The following CCDC12 variants were observed in gnomAD, a reference collection of about 807,000 sequenced individuals.
The protein encoded by CCDC12 is coiled-coil domain containing 12.
Under a neutral mutation model 25.7 loss-of-function variants are expected in CCDC12, and 28 were observed. The ratio of observed to expected loss-of-function variants is 1.09; its 90% CI spans 0.81 to 1.50. The LOEUF (loss-of-function observed/expected upper bound fraction) is 1.50, where lower values mean the gene tolerates loss of function less well. Ranked by LOEUF, CCDC12 falls within the 40% of genes most tolerant of loss-of-function variation. The pLI, the probability that CCDC12 is intolerant of heterozygous loss-of-function variation, is 0.00. For missense variants in CCDC12, 198 were observed against 210.0 expected (o/e 0.94, Z 0.35); for synonymous variants, 75 against 87.7 (o/e 0.86, Z 0.81).
At chr3:46,942,405 G>A (rs1325350309) in intron 1 of CCDC12, among the ~76,000 whole-genome samples, 1 of 152,266 alleles carries the variant, frequency 6.6e-6, no homozygotes, top group Non-Finnish European at 1.5e-5. Context: ...TGTTCTAAGA[G>A]AGATCTGTGA....
chr3:46,930,554 G>A (rs938779403), intron 2 of CCDC12, among the ~76,000 whole-genome samples: 4 of 152,242 alleles, frequency 2.6e-5, no homozygotes, highest in Admixed American at 6.5e-5. Context: ...ACCCTATACC[G>A]GCAGCCAGTG....
At chr3:46,948,456 A>G (rs2033991497) in intron 1 of CCDC12, among the ~76,000 whole-genome samples, 1 of 152,228 alleles carries the variant, frequency 6.6e-6, no homozygotes, top group African/African-American at 2.4e-5. Context: ...GTGGGGAGAC[A>G]GGGAGGAGCA....
intron 2 of CCDC12, among the ~76,000 whole-genome samples, chr3:46,932,474 C>T (rs1169603336): frequency 6.6e-6 from 1 of 152,224 alleles, no homozygotes; most frequent in East Asian, 1.9e-4. Flanking sequence ...GACTGTCCTC[C>T]AGCTGTCACC....
chr3:46,936,551 T>C (rs968106022), intron 2 of CCDC12, among the ~76,000 whole-genome samples: 1 of 152,176 alleles, frequency 6.6e-6, no homozygotes, highest in Non-Finnish European at 1.5e-5. Flanking sequence ...ACTGAGGCAA[T>C]GTGACTTGCC....
intron 1 of CCDC12, among the ~76,000 whole-genome samples, chr3:46,963,981 T>G (rs1311507339): frequency 4.6e-5 from 7 of 150,662 alleles, no homozygotes; most frequent in African/African-American, 1.5e-4. Flanking sequence ...GAGCGCCTCT[T>G]CCCGGCCGCC....
At chr3:46,973,665 G>A (rs1447114074) in intron 1 of CCDC12, among the ~76,000 whole-genome samples, 2 of 142,602 alleles carry the variant, frequency 1.4e-5, no homozygotes, top group Non-Finnish European at 3.0e-5. Context: ...CCAGGCTGGA[G>A]TGCAGTGGCG....
At chr3:46,945,107 G>A (rs144852795) in intron 1 of CCDC12, among the ~76,000 whole-genome samples, 1 of 152,236 alleles carries the variant, frequency 6.6e-6, no homozygotes, top group South Asian at 2.1e-4. Flanking sequence ...CGTAGGCCCA[G>A]GGCACAGGCC....
chr3:46,941,540 G>C (rs2033708463), intron 1 of CCDC12, among the ~76,000 whole-genome samples: 1 of 149,274 alleles, frequency 6.7e-6, no homozygotes, highest in Non-Finnish European at 1.5e-5. Flanking sequence ...ACTCCAGCCT[G>C]GGCGACAGAG....
At chr3:46,975,190 ATT>A (rs755245357) in intron 1 of CCDC12, among the ~76,000 whole-genome samples, 3 of 146,000 alleles carry the variant, frequency 2.1e-5, no homozygotes, top group Non-Finnish European at 3.0e-5. Flanking sequence ...TTTTTTCCCA[ATT>A]TTTTTTTTTT....
At chr3:46,932,523 C>A (rs2033271350) in intron 2 of CCDC12, among the ~76,000 whole-genome samples, 1 of 152,214 alleles carries the variant, frequency 6.6e-6, no homozygotes, top group South Asian at 2.1e-4. Flanking sequence ...AGAACGGGTA[C>A]AGTGTAAGGC....
intron 2 of CCDC12, among the ~76,000 whole-genome samples, chr3:46,938,830 T>G (rs1291738947): frequency 6.6e-6 from 1 of 151,610 alleles, no homozygotes; most frequent in Non-Finnish European, 1.5e-5. Context: ...CCAGCCTGGG[T>G]GACAGAGCGA....
chr3:46,961,610 A>C (rs776463316), intron 1 of CCDC12, among the ~76,000 whole-genome samples: 1 of 152,252 alleles, frequency 6.6e-6, no homozygotes, highest in Admixed American at 6.5e-5. Context: ...CTACAGTGCC[A>C]TGGGGCACCC....
chr3:46,932,203 G>C (rs1018972716), intron 2 of CCDC12, among the ~76,000 whole-genome samples: 7 of 152,158 alleles, frequency 4.6e-5, no homozygotes, highest in Non-Finnish European at 1.0e-4. Flanking sequence ...AACAAGACAG[G>C]AGCAAGCAAA....
chr3:46,969,000 C>T lies in CCDC12; in HGVS notation c.96+7637G>A, dbSNP rs73831446. Among the ~76,000 whole-genome samples the T allele has an allele frequency of 2.1e-3, 325 of 152,312 alleles. 3 individuals carry two copies. The highest frequency in any genetic ancestry group is 7.4e-3 in the African/African-American group (309 of 41,574). On this transcript the variant is annotated intron_variant, in intron 1 of 6. Transcript: ENST00000683445. The stretch of plus-strand genomic sequence containing the variant: ...ACCTGCCAAAAGCTGTCAATACAGG[C>T]GGCAGTGATCGCCTTGGCTGACTTT...
intron 1 of CCDC12, among the ~76,000 whole-genome samples, chr3:46,964,341 C>A (rs1475509084): frequency 6.7e-6 from 1 of 148,612 alleles, no homozygotes; most frequent in African/African-American, 2.5e-5. Context: ...GGGGGGTCAG[C>A]CCCCGCCCGG....
chr3:46,940,980 G>A lies in CCDC12; in HGVS notation c.164+18C>T, dbSNP rs1238708909. On this transcript the variant is annotated intron_variant, in intron 2 of 6. Transcript: ENST00000683445. ...GCTGGAGGAGAGAGCAGACCCTGGA[G>A]CTGCACACGGGCATTACCTGTGCTT... 7 of 1,612,824 alleles carry A rather than the reference G, an allele frequency of 4.3e-6. No homozygotes were observed. The highest frequency in any genetic ancestry group is 5.9e-6 in the Non-Finnish European group (7 of 1,178,790).
At chr3:46,938,597 T>C (rs369978485) in intron 2 of CCDC12, among the ~76,000 whole-genome samples, 187 of 147,538 alleles carry the variant, frequency 1.3e-3, no homozygotes, top group African/African-American at 4.5e-3. Context: ...CACCTGTAAT[T>C]CCAACACTTT....
At chr3:46,927,951 TG>T (rs34136042) in intron 2 of CCDC12, among the ~76,000 whole-genome samples, 1 of 152,084 alleles carries the variant, frequency 6.6e-6, no homozygotes, top group Non-Finnish European at 1.5e-5. Context: ...TCAAGGAGCA[TG>T]GGGGGGTTCA....
Position 46,922,331 on chromosome 3 carries a change from G to C in CCDC12, c.342-19C>G. 4 of 1,614,164 alleles carry C rather than the reference G, an allele frequency of 2.5e-6. No homozygotes were observed. The highest frequency in any genetic ancestry group is 3.4e-6 in the Non-Finnish European group (4 of 1,179,984). ...GAGGTCCCTGGAGCAGGGAGGCAGG[G>C]AGAAGCAGGAAGGTGAAGGCTGGCC... On this transcript the variant is annotated intron_variant, in intron 5 of 6. Transcript: ENST00000683445.
Sources: allele counts gnomAD v4.1 joint callset (sites outside exome capture counted in the v4.1 genomes callset), GRCh38; gene constraint gnomAD v4.1.1; transcripts MANE v1.5; gene names NCBI Gene and HGNC (gene_info 2026-07-23, HGNC 2026-07-21).